Variants in PCDH15 observed in about 807,000 individuals in gnomAD.
PCDH15 encodes protocadherin related 15.
In PCDH15, 129 loss-of-function variants were observed where a neutral mutation model predicts 178.5. The observed-to-expected ratio is 0.72, with a 90% CI of 0.63 to 0.84. PCDH15 has a LOEUF of 0.84. Among genes scored for constraint, PCDH15 ranks in the 40% least tolerant of loss-of-function variants. The pLI is 0.00. For missense variants in PCDH15, 2,230 were observed against 2,099.9 expected (o/e 1.06, Z -1.21); for synonymous variants, 800 against 732.0 (o/e 1.09, Z -1.50).
intron 2 of PCDH15, among the ~76,000 whole-genome samples, chr10:54,932,725 AG>A (rs1303897804): frequency 2.6e-5 from 4 of 151,984 alleles, no homozygotes; most frequent in African/African-American, 9.7e-5. Flanking sequence ...TTAGTAGAGA[AG>A]GGGTTTCACC....
At chr10:53,863,588 CAT>C (rs35598025) in intron 27 of PCDH15, among the ~76,000 whole-genome samples, 5,345 of 152,060 alleles carry the variant, frequency 0.035, 151 homozygotes, top group East Asian at 0.088. Flanking sequence ...TCAAATCTAA[CAT>C]AGAATTTTGC....
intron 8 of PCDH15, among the ~76,000 whole-genome samples, chr10:54,248,446 A>G (rs2056197642): frequency 6.6e-6 from 1 of 152,022 alleles, no homozygotes; most frequent in African/African-American, 2.4e-5. Context: ...TAATAAATTC[A>G]TTCCCTACAT....
chr10:55,592,150 C>T (rs991088813), intron 2 of PCDH15, among the ~76,000 whole-genome samples: 4 of 152,072 alleles, frequency 2.6e-5, no homozygotes, highest in Non-Finnish European at 4.4e-5. Flanking sequence ...TTTCTTATTG[C>T]GCCGGTATTT....
At chr10:54,404,688 G>T (rs1283819192) in intron 3 of PCDH15, among the ~76,000 whole-genome samples, 1 of 151,944 alleles carries the variant, frequency 6.6e-6, no homozygotes. Context: ...TACAACAAAA[G>T]AAACCATCAA....
chr10:55,429,116 G>A (rs953831496), intron 2 of PCDH15, among the ~76,000 whole-genome samples: 1 of 151,922 alleles, frequency 6.6e-6, no homozygotes, highest in Admixed American at 6.6e-5. Context: ...TCCTTTAAAG[G>A]CATTTTTATA....
intron 32 of PCDH15, chr10:53,821,853 CA>C: frequency 1.2e-6 from 2 of 1,612,238 alleles, no homozygotes; most frequent in South Asian, 2.2e-5. Flanking sequence ...ATAAGAAAAG[CA>C]ACATTACAGT....
At chr10:54,123,948 G>A (rs1243556379) in intron 15 of PCDH15, among the ~76,000 whole-genome samples, 1 of 152,028 alleles carries the variant, frequency 6.6e-6, no homozygotes, top group African/African-American at 2.4e-5. Context: ...AGAACTAAAT[G>A]GTGCATACAT....
intron 3 of PCDH15, among the ~76,000 whole-genome samples, chr10:54,383,159 A>G (rs1949442949): frequency 6.6e-6 from 1 of 152,138 alleles, no homozygotes; most frequent in Admixed American, 6.5e-5. Context: ...AACATTATCA[A>G]CAAAATGATT....
chr10:54,511,912 G>A, intron 3 of PCDH15, among the ~76,000 whole-genome samples: 1 of 151,626 alleles, frequency 6.6e-6, no homozygotes, highest in East Asian at 1.9e-4. Flanking sequence ...AATGAACTTT[G>A]AAGCCCAGTT....
intron 2 of PCDH15, among the ~76,000 whole-genome samples, chr10:55,039,574 G>A (rs2178646): frequency 0.12 from 18,465 of 152,052 alleles, 1,273 homozygotes; most frequent in Middle Eastern, 0.2. Context: ...CTTCTCAGAA[G>A]CTATGATTAA....
chr10:53,879,762 G>A (rs562489225), intron 26 of PCDH15, among the ~76,000 whole-genome samples: 6 of 152,212 alleles, frequency 3.9e-5, no homozygotes, highest in East Asian at 1.9e-4. Flanking sequence ...GCACCACCAC[G>A]CCTGGCTAAT....
rs192554655 is a variant in PCDH15 at position 55,014,106 on chromosome 10, A to G, written c.-79-116606T>C. 1.8e-3 allele frequency among the ~76,000 whole-genome samples: 277 copies of G among 152,268 alleles called. 1 individual carries two copies. The highest frequency in any genetic ancestry group is 2.7e-3 in the Non-Finnish European group (184 of 67,982). On this transcript the variant is annotated intron_variant, in intron 2 of 5. Coordinates refer to the PCDH15 transcript ENST00000458638. ...AGAAACTGTATACTATCATTAAAAT[A>G]TATTTACATTTTTGCATAAATGAGA...
chr10:53,920,058 G>A (rs142665391), intron 25 of PCDH15, among the ~76,000 whole-genome samples: 166 of 152,058 alleles, frequency 1.1e-3, no homozygotes, highest in African/African-American at 3.9e-3. Flanking sequence ...TATCTCTTTC[G>A]CTCACCTCAT....
chr10:54,156,897 C>T (rs114208624), intron 13 of PCDH15, among the ~76,000 whole-genome samples: 1,699 of 152,308 alleles, frequency 0.011, 34 homozygotes, highest in African/African-American at 0.039. Flanking sequence ...AGTCCGAAAT[C>T]CAGTGGGGCA....
chr10:54,125,150 GTT>G (rs72058465), intron 15 of PCDH15, among the ~76,000 whole-genome samples: 50 of 149,618 alleles, frequency 3.3e-4, no homozygotes, highest in African/African-American at 1.1e-3. Context: ...CAAATGTGTG[GTT>G]TTTTTTTTCC....
intron 2 of PCDH15, among the ~76,000 whole-genome samples, chr10:54,632,913 T>C (rs1191314795): frequency 2.2e-4 from 34 of 152,094 alleles, no homozygotes; most frequent in Non-Finnish European, 1.2e-4. Flanking sequence ...GCATAATTAA[T>C]AGGTCAACAA....
At chr10:55,350,010 T>G (rs1045520414) in intron 2 of PCDH15, among the ~76,000 whole-genome samples, 5 of 151,624 alleles carry the variant, frequency 3.3e-5, no homozygotes, top group Admixed American at 6.6e-5. Context: ...CTACTATCCT[T>G]TCACCCAGCT....
intron 8 of PCDH15, among the ~76,000 whole-genome samples, chr10:54,292,080 C>T (rs1257941992): frequency 1.3e-5 from 2 of 152,174 alleles, no homozygotes; most frequent in African/African-American, 4.8e-5. Flanking sequence ...CAATAAAATA[C>T]TGGCAAACCA....
chr10:53,944,804 G>A (rs2086386817), intron 23 of PCDH15, among the ~76,000 whole-genome samples: 2 of 152,172 alleles, frequency 1.3e-5, no homozygotes, highest in Admixed American at 6.5e-5. Context: ...ATATGAACTG[G>A]AACATGGGAG....
Sources: gnomAD v4.1 joint callset for allele counts (sites outside exome capture counted in the v4.1 genomes callset) on GRCh38, gnomAD v4.1.1 for gene constraint, MANE v1.5 for transcripts, NCBI Gene and HGNC (gene_info 2026-07-23, HGNC 2026-07-21) for gene names.